The following SLC8A1 variants were observed in gnomAD, a reference collection of about 807,000 sequenced individuals.
SLC8A1 encodes the protein solute carrier family 8 member A1.
In SLC8A1, 18 loss-of-function variants were observed where a neutral mutation model predicts 68.3. The observed-to-expected ratio is 0.26, with a 90% CI of 0.18 to 0.39. SLC8A1 has a LOEUF of 0.39. Among genes scored for constraint, SLC8A1 ranks in the 10% least tolerant of loss-of-function variants. The pLI is 1.00. For missense variants in SLC8A1, 985 were observed against 1,156.7 expected, an observed-to-expected ratio of 0.85 and a Z score of 2.15; for synonymous variants, 475 against 415.5, an observed-to-expected ratio of 1.14 and a Z score of -1.74.
intron 7 of SLC8A1, among the ~76,000 whole-genome samples, chr2:40,122,238 A>G (rs56172623): frequency 0.5 from 74,721 of 148,220 alleles, 21,076 homozygotes; most frequent in East Asian, 0.75. Flanking sequence ...GTGCGCGCGC[A>G]CACACACACA....
At chr2:40,501,556 G>A (rs867968710) in intron 1 of SLC8A1, among the ~76,000 whole-genome samples, 13 of 152,114 alleles carry the variant, frequency 8.5e-5, no homozygotes, top group Middle Eastern at 3.4e-3. Context: ...CCTTTCTTTG[G>A]GAAATGTATC....
chr2:40,239,675 G>A (rs1288850414), intron 2 of SLC8A1, among the ~76,000 whole-genome samples: 1 of 152,010 alleles, frequency 6.6e-6, no homozygotes, highest in African/African-American at 2.4e-5. Flanking sequence ...GCAAGACTCT[G>A]TCTCAAAAAA....
At chr2:40,422,495 C>T (rs1372400032) in intron 2 of SLC8A1, among the ~76,000 whole-genome samples, 2 of 152,248 alleles carry the variant, frequency 1.3e-5, no homozygotes, top group East Asian at 1.9e-4. Context: ...ACTTAAATCT[C>T]CTTCCCTTGG....
At chr2:40,294,778 T>G (rs1372162511) in intron 2 of SLC8A1, among the ~76,000 whole-genome samples, 1 of 152,180 alleles carries the variant, frequency 6.6e-6, no homozygotes, top group African/African-American at 2.4e-5. Context: ...ACCCCCACTT[T>G]AAAAACAATA....
At chr2:40,311,566 A>G (rs1444760989) in intron 2 of SLC8A1, among the ~76,000 whole-genome samples, 1 of 152,116 alleles carries the variant, frequency 6.6e-6, no homozygotes, top group Non-Finnish European at 1.5e-5. Context: ...GTCTTTATAT[A>G]TCTTACAAGT....
intron 6 of SLC8A1, among the ~76,000 whole-genome samples, chr2:40,145,572 T>C (rs184204159): frequency 8.7e-4 from 132 of 152,326 alleles, no homozygotes; most frequent in African/African-American, 3.0e-3. Context: ...TAATTACAAA[T>C]CAAATTCTAC....
chr2:40,407,775 C>T (rs376115695), intron 2 of SLC8A1, among the ~76,000 whole-genome samples: 130 of 152,290 alleles, frequency 8.5e-4, no homozygotes, highest in African/African-American at 3.0e-3. Context: ...AATACTTGAC[C>T]TTCCTAACCT....
intron 2 of SLC8A1, among the ~76,000 whole-genome samples, chr2:40,381,082 A>C (rs1184399563): frequency 6.6e-6 from 1 of 152,070 alleles, no homozygotes; most frequent in East Asian, 1.9e-4. Context: ...ATTAAAGAAA[A>C]ATTTCCACCA....
chr2:40,307,549 T>G (rs2072886606), intron 2 of SLC8A1, among the ~76,000 whole-genome samples: 1 of 152,186 alleles, frequency 6.6e-6, no homozygotes, highest in African/African-American at 2.4e-5. Context: ...ACAATGAAGT[T>G]TTTAAAAAGA....
intron 2 of SLC8A1, among the ~76,000 whole-genome samples, chr2:40,333,828 C>G (rs1354014541): frequency 6.6e-6 from 1 of 152,094 alleles, no homozygotes; most frequent in Non-Finnish European, 1.5e-5. Flanking sequence ...GCGGGTGGAT[C>G]TCTTGAGGTC....
chr2:40,340,422 A>G (rs1347897286), intron 2 of SLC8A1, among the ~76,000 whole-genome samples: 2 of 152,132 alleles, frequency 1.3e-5, no homozygotes, highest in Admixed American at 1.3e-4. Flanking sequence ...TTAGCTGGGC[A>G]TGGTGGCAGG....
intron 1 of SLC8A1, among the ~76,000 whole-genome samples, chr2:40,500,562 A>T (rs952092108): frequency 6.6e-6 from 1 of 152,058 alleles, no homozygotes; most frequent in African/African-American, 2.4e-5. Flanking sequence ...TTGGGGAAAA[A>T]ATGGAACTAT....
intron 2 of SLC8A1, among the ~76,000 whole-genome samples, chr2:40,424,668 A>G (rs1696397064): frequency 6.6e-6 from 1 of 151,898 alleles, no homozygotes; most frequent in Admixed American, 6.6e-5. Context: ...TACTATGACT[A>G]GGAACCTCTG....
chr2:40,337,073 T>C lies in SLC8A1; in HGVS notation c.1808+91400A>G, dbSNP rs535082480. Reference sequence around the variant, plus strand: ...AGCCAACCAATTTTTCTCAACATGGTTGGAAACAAGGCAAATGTTGCTTCT... The same window carrying C: ...AGCCAACCAATTTTTCTCAACATGGCTGGAAACAAGGCAAATGTTGCTTCT... On this transcript the variant is annotated intron_variant, in intron 2 of 7. Transcript: ENST00000406785. 1.2e-4 allele frequency among the ~76,000 whole-genome samples: 18 copies of C among 152,256 alleles called. No individual in the cohort carries two copies. The South Asian group carries it at 3.7e-3, about 32-fold the overall frequency.
chr2:40,388,714 C>CAATG (rs1266053581), intron 2 of SLC8A1, among the ~76,000 whole-genome samples: 3 of 152,176 alleles, frequency 2.0e-5, no homozygotes, highest in African/African-American at 7.2e-5. Context: ...GCAAAGTGAA[C>CAATG]AATGCTCTTT....
At chr2:40,445,442 C>T (rs1481886536) in intron 1 of SLC8A1, among the ~76,000 whole-genome samples, 1 of 151,848 alleles carries the variant, frequency 6.6e-6, no homozygotes, top group African/African-American at 2.4e-5. Flanking sequence ...GCTTTCTACA[C>T]AGGGAAAGAA....
intron 2 of SLC8A1, among the ~76,000 whole-genome samples, chr2:40,205,527 C>T (rs749871335): frequency 2.0e-5 from 3 of 151,906 alleles, no homozygotes; most frequent in Non-Finnish European, 2.9e-5. Flanking sequence ...GGCCATTATC[C>T]ATAGCGGACT....
chr2:40,384,637 GTCATGA>G (rs1682987917), intron 2 of SLC8A1, among the ~76,000 whole-genome samples: 1 of 151,990 alleles, frequency 6.6e-6, no homozygotes, highest in Non-Finnish European at 1.5e-5. Context: ...GTTGTATTTT[GTCATGA>G]TCTTTGGTGG....
chr2:40,415,258 G>A (rs1165020963), intron 2 of SLC8A1, among the ~76,000 whole-genome samples: 2 of 151,944 alleles, frequency 1.3e-5, no homozygotes, highest in African/African-American at 4.8e-5. Flanking sequence ...AAGCTGGAGG[G>A]GACTTCCAAG....
Sources: gnomAD v4.1 joint callset for allele counts (sites outside exome capture counted in the v4.1 genomes callset) on GRCh38, gnomAD v4.1.1 for gene constraint, MANE v1.5 for transcripts, NCBI Gene and HGNC (gene_info 2026-07-23, HGNC 2026-07-21) for gene names.